Variants in GPC6 observed in about 807,000 individuals in gnomAD.
The protein encoded by GPC6 is glypican 6.
In GPC6, 14 loss-of-function variants were observed where a neutral mutation model predicts 55.2. That is an observed-to-expected ratio of 0.25 (90% confidence interval 0.17 to 0.40). The LOEUF (loss-of-function observed/expected upper bound fraction) is 0.40. Among genes scored for constraint, GPC6 ranks in the 10% least tolerant of loss-of-function variants. GPC6 has a pLI of 1.00. For missense variants in GPC6, 641 were observed against 708.5 expected (o/e 0.90, Z 1.08); for synonymous variants, 278 against 259.6 (o/e 1.07, Z -0.68).
chr13:94,017,323 A>G (rs958983218), intron 3 of GPC6, among the ~76,000 whole-genome samples: 1 of 152,124 alleles, frequency 6.6e-6, no homozygotes, highest in Admixed American at 6.5e-5. Flanking sequence ...ATGAAGAAGT[A>G]TGACTGGGTA....
chr13:93,657,863 A>G (rs1367063957), intron 2 of GPC6, among the ~76,000 whole-genome samples: 6 of 151,962 alleles, frequency 3.9e-5, no homozygotes, highest in African/African-American at 9.7e-5. Flanking sequence ...TGCTCAGCAT[A>G]ACTAATCATT....
intron 6 of GPC6, among the ~76,000 whole-genome samples, chr13:94,367,729 G>A (rs1879344377): frequency 6.6e-6 from 1 of 151,566 alleles, no homozygotes; most frequent in African/African-American, 2.4e-5. Context: ...AATTCCCTAC[G>A]AAACTCAACA....
rs564997310 is a variant in GPC6 at position 94,269,713 on chromosome 13, T to C, written c.878-16636T>C. ...AACCTGAGCCTGAGTCTGGGATCAGTTTGCCTCTGCCCACTTTCTCTTTGG... is the reference window on the plus strand; with the variant it reads ...AACCTGAGCCTGAGTCTGGGATCAGCTTGCCTCTGCCCACTTTCTCTTTGG... On this transcript the variant is annotated intron_variant, in intron 4 of 8. Coordinates refer to ENST00000377047, the MANE Select transcript of GPC6 (RefSeq NM_005708.5). Among the ~76,000 whole-genome samples the C allele has an allele frequency of 7.9e-5, 12 of 152,198 alleles. 1 individual carries two copies. Among genetic ancestry groups the C allele is most frequent in the African/African-American group, 2.9e-4 (12 of 41,520 alleles).
At chr13:93,815,311 T>C (rs1157415366) in intron 2 of GPC6, among the ~76,000 whole-genome samples, 1 of 152,196 alleles carries the variant, frequency 6.6e-6, no homozygotes, top group African/African-American at 2.4e-5. Flanking sequence ...GAACTGAATG[T>C]CCTTTTGGGG....
chr13:94,310,106 C>A (rs946219912), intron 6 of GPC6, among the ~76,000 whole-genome samples: 1 of 152,140 alleles, frequency 6.6e-6, no homozygotes, highest in African/African-American at 2.4e-5. Context: ...TTCAAATTAG[C>A]CTCTGTAAAA....
intron 6 of GPC6, among the ~76,000 whole-genome samples, chr13:94,363,368 G>A (rs1442662381): frequency 6.6e-6 from 1 of 152,142 alleles, no homozygotes; most frequent in African/African-American, 2.4e-5. Context: ...CTAGACATAG[G>A]CTGGATTCAA....
At chr13:94,228,212 T>C (rs1313669390) in intron 4 of GPC6, among the ~76,000 whole-genome samples, 3 of 152,102 alleles carry the variant, frequency 2.0e-5, no homozygotes, top group Non-Finnish European at 2.9e-5. Context: ...GAGTAATCCT[T>C]TAGGGACTGA....
intron 2 of GPC6, among the ~76,000 whole-genome samples, chr13:93,620,265 A>G (rs1358259376): frequency 6.6e-6 from 1 of 152,214 alleles, no homozygotes; most frequent in Non-Finnish European, 1.5e-5. Flanking sequence ...GAGTCAGTGT[A>G]ACTGATTAAC....
At chr13:93,535,616 G>T (rs1168484367) in intron 1 of GPC6, among the ~76,000 whole-genome samples, 6 of 151,206 alleles carry the variant, frequency 4.0e-5, no homozygotes, top group African/African-American at 1.2e-4. Flanking sequence ...CCCCAACCAT[G>T]GCTCACAGCT....
rs75201122 is a variant in GPC6 at position 93,686,402 on chromosome 13, G to C, written c.319+140981G>C. 4.2e-3 allele frequency among the ~76,000 whole-genome samples: 635 copies of C among 152,220 alleles called. 13 individuals are homozygous for C. The East Asian group carries it at 0.07, about 17-fold the overall frequency. On this transcript the variant is annotated intron_variant, in intron 2 of 8. Transcript: ENST00000377047. ...CTCATCTTGACAATATCCTTTGGCTGTCTTGAGATTAAGGGTGTTTGGAGT... is the reference window on the plus strand; with the variant it reads ...CTCATCTTGACAATATCCTTTGGCTCTCTTGAGATTAAGGGTGTTTGGAGT...
Position 94,404,167 on chromosome 13 carries a change from T to C in GPC6, c.*950T>C, listed in dbSNP as rs1311108674. 5 of 151,338 alleles carry C rather than the reference T, an allele frequency of 3.3e-5. No homozygotes were observed. The highest frequency in any genetic ancestry group is 7.4e-5 in the Non-Finnish European group (5 of 68,022). The allele number at this position is 151,338 out of a possible 1,614,324, so 9.4% of individuals were successfully genotyped here. A position where few individuals can be genotyped will look rare whatever the true frequency, so the allele number is the denominator to read the frequency against. ...GCTCATTACCCTCCCAAAACAATAG[T>C]TTTTTTAATGAATTGAAACACAATT... On this transcript the variant is annotated 3_prime_UTR_variant, in exon 9 of 9. Transcript: ENST00000377047.
chr13:93,518,793 GTAGCAA>G (rs932448140), intron 1 of GPC6, among the ~76,000 whole-genome samples: 23 of 151,938 alleles, frequency 1.5e-4, no homozygotes, highest in African/African-American at 5.3e-4. Context: ...TGTTTCCCAA[GTAGCAA>G]TATAAATTGT....
At chr13:93,941,017 G>C (rs1412444407) in intron 3 of GPC6, among the ~76,000 whole-genome samples, 1 of 152,012 alleles carries the variant, frequency 6.6e-6, no homozygotes, top group East Asian at 1.9e-4. Flanking sequence ...GCACATAATT[G>C]GTATTTCTTT....
At chr13:94,360,568 T>C (rs1879013752) in intron 6 of GPC6, among the ~76,000 whole-genome samples, 1 of 151,658 alleles carries the variant, frequency 6.6e-6, no homozygotes, top group East Asian at 2.0e-4. Flanking sequence ...ACTCAAACCA[T>C]AGTGGCGTTA....
intron 4 of GPC6, among the ~76,000 whole-genome samples, chr13:94,191,278 G>A (rs976596108): frequency 1.3e-5 from 2 of 152,200 alleles, no homozygotes; most frequent in African/African-American, 4.8e-5. Context: ...GATTGCCCAA[G>A]TTAAGGCTGA....
intron 1 of GPC6, among the ~76,000 whole-genome samples, chr13:93,371,715 A>T (rs1874663196): frequency 6.6e-6 from 1 of 152,076 alleles, no homozygotes; most frequent in Non-Finnish European, 1.5e-5. Flanking sequence ...TATTAGGGAA[A>T]CTAAAGCACT....
At chr13:93,974,778 A>G (rs1027693680) in intron 3 of GPC6, among the ~76,000 whole-genome samples, 1 of 151,984 alleles carries the variant, frequency 6.6e-6, no homozygotes, top group African/African-American at 2.4e-5. Flanking sequence ...GTCACATCCT[A>G]TTTGGAATCG....
Position 94,045,094 on chromosome 13 carries a change from A to G in GPC6, c.877+17200A>G, listed in dbSNP as rs1312275492. 2.0e-5 allele frequency among the ~76,000 whole-genome samples: 3 copies of G among 151,918 alleles called. No individual in the cohort carries two copies. In the East Asian group the frequency reaches 5.8e-4, roughly 30 times the overall value. ...TTTTTAATATTAGGGAAACATTTTC[A>G]TTGTTTCCTAAAGTTTCATGATGTA... On this transcript the variant is annotated intron_variant, in intron 4 of 8. Coordinates refer to ENST00000377047, the MANE Select transcript of GPC6 (RefSeq NM_005708.5).
chr13:93,505,536 A>G (rs1461138810), intron 1 of GPC6, among the ~76,000 whole-genome samples: 1 of 152,138 alleles, frequency 6.6e-6, no homozygotes, highest in Non-Finnish European at 1.5e-5. Flanking sequence ...AACTCGTCTG[A>G]GTGAAGCTTA....
Sources: allele counts gnomAD v4.1 joint callset (sites outside exome capture counted in the v4.1 genomes callset), GRCh38; gene constraint gnomAD v4.1.1; transcripts MANE v1.5; gene names NCBI Gene and HGNC (gene_info 2026-07-23, HGNC 2026-07-21).